IQGAP2: variants seen among roughly 807,000 people sequenced by gnomAD.
The protein encoded by IQGAP2 is ras GTPase-activating-like protein IQGAP2.
In IQGAP2, 173 loss-of-function variants were observed where a neutral mutation model predicts 201.3. The ratio of observed to expected loss-of-function variants is 0.86; its 90% CI spans 0.76 to 0.98. The LOEUF (loss-of-function observed/expected upper bound fraction) is 0.98. Among genes scored for constraint, IQGAP2 ranks in the 50% least tolerant of loss-of-function variants. The pLI, the probability that IQGAP2 is intolerant of heterozygous loss-of-function variation, is 0.00. For synonymous variants in IQGAP2, 675 were observed against 673.9 expected, an observed-to-expected ratio of 1.00 and a Z score of -0.03; for missense variants, 1,687 against 1,864.8, an observed-to-expected ratio of 0.90 and a Z score of 1.76.
intron 1 of IQGAP2, chr5:76,441,649 T>G: frequency 6.9e-6 from 2 of 289,440 alleles, no homozygotes; most frequent in Non-Finnish European, 1.0e-5. Flanking sequence ...TTTGATCTCC[T>G]ATGCTGTTAA....
chr5:76,489,634 T>C (rs544721234), intron 2 of IQGAP2, among the ~76,000 whole-genome samples: 1 of 152,242 alleles, frequency 6.6e-6, no homozygotes, highest in African/African-American at 2.4e-5. Flanking sequence ...GCTAACTCTT[T>C]TGGATTTTTT....
intron 1 of IQGAP2, among the ~76,000 whole-genome samples, chr5:76,428,437 CTTTT>C (rs1003388325): frequency 1.5e-5 from 2 of 135,698 alleles, no homozygotes; most frequent in Admixed American, 7.5e-5. Context: ...ATCCTTTTTT[CTTTT>C]TTTTTTTTTT....
chr5:76,535,035 G>A (rs1012637478), intron 2 of IQGAP2, among the ~76,000 whole-genome samples: 1 of 152,212 alleles, frequency 6.6e-6, no homozygotes, highest in African/African-American at 2.4e-5. Flanking sequence ...AAGAAGGCTG[G>A]TGAGGTAGGG....
chr5:76,654,772 A>G (rs1412081866), intron 19 of IQGAP2, among the ~76,000 whole-genome samples, 162 bp from the exon 20 acceptor site: 1 of 152,212 alleles, frequency 6.6e-6, no homozygotes, highest in Non-Finnish European at 1.5e-5. Context: ...CCTCTTCTTC[A>G]AAGAAAATGG....
chr5:76,457,683 T>A (rs2150122385), intron 1 of IQGAP2, among the ~76,000 whole-genome samples: 1 of 152,350 alleles, frequency 6.6e-6, no homozygotes, highest in South Asian at 2.1e-4. Flanking sequence ...GATTTTGGGC[T>A]ATTTTTACAT....
At chr5:76,639,772 A>G (rs1292517009) in intron 16 of IQGAP2, among the ~76,000 whole-genome samples, 1 of 152,224 alleles carries the variant, frequency 6.6e-6, no homozygotes, top group Non-Finnish European at 1.5e-5. Context: ...AAAATACTTA[A>G]TGACAAGAAG....
At position 76,487,189 on chromosome 5, in the gene IQGAP2, C is replaced by T. The variant is rs563726474; in HGVS notation, c.146+25520C>T. Among the ~76,000 whole-genome samples the T allele has an allele frequency of 8.6e-5, 13 of 151,774 alleles. No homozygotes were observed. In the South Asian group the frequency reaches 2.5e-3, roughly 29 times the overall value. On this transcript the variant is annotated intron_variant, in intron 2 of 35. Coordinates refer to ENST00000274364, the MANE Select transcript of IQGAP2 (RefSeq NM_006633.5). ...TCTCAGCTCGCTGCAACCTCCGCCT[C>T]CCAGGTTCAAGCAGTTTTCCTGCCT...
At chr5:76,467,454 C>T (rs1253969766) in intron 2 of IQGAP2, among the ~76,000 whole-genome samples, 1 of 152,102 alleles carries the variant, frequency 6.6e-6, no homozygotes, top group East Asian at 1.9e-4. Context: ...TTACTTCATA[C>T]CCACCAGCGT....
intron 1 of IQGAP2, among the ~76,000 whole-genome samples, chr5:76,447,720 T>A (rs538128344): frequency 6.6e-6 from 1 of 152,286 alleles, no homozygotes; most frequent in East Asian, 1.9e-4. Flanking sequence ...AACCAGGAGC[T>A]GCTGGTATGC....
At chr5:76,618,683 A>G in intron 13 of IQGAP2, 1 of 1,439,494 alleles carries the variant, frequency 6.9e-7, no homozygotes, top group Non-Finnish European at 9.5e-7. Context: ...GTATAGTTCA[A>G]GAGAAAAGAA....
intron 1 of IQGAP2, among the ~76,000 whole-genome samples, chr5:76,436,493 A>ATATATATATATATATATATATATT (rs1752669534): frequency 2.3e-4 from 4 of 17,146 alleles, no homozygotes; most frequent in Non-Finnish European, 4.0e-4. Context: ...ATATATATAT[A>ATATATATATATATATATATATATT]TATATATATA....
intron 1 of IQGAP2, among the ~76,000 whole-genome samples, chr5:76,424,628 A>G (rs553914473): frequency 6.6e-6 from 1 of 152,332 alleles, no homozygotes; most frequent in South Asian, 2.1e-4. Context: ...ACCTCCTCAA[A>G]TATTTTTAGG....
intron 2 of IQGAP2, among the ~76,000 whole-genome samples, chr5:76,474,568 T>C (rs1755299908): frequency 6.6e-6 from 1 of 152,128 alleles, no homozygotes; most frequent in African/African-American, 2.4e-5. Flanking sequence ...CTGGGTTGCT[T>C]TTTTGTTTGT....
rs531532145 is a variant in IQGAP2 at position 76,573,123 on chromosome 5, G to A, written c.381+2466G>A. ...CTAACTAGAGGCTGGATGATAAACC[G>A]ATTAATAAAAAACGAATTTAAACAG... is the stretch of plus-strand genomic sequence containing the variant. On this transcript the variant is annotated intron_variant, in intron 4 of 35. Coordinates refer to ENST00000274364, the MANE Select transcript of IQGAP2 (RefSeq NM_006633.5). Among the ~76,000 whole-genome samples, 105 of 152,302 alleles carry A rather than the reference G, an allele frequency of 6.9e-4. 2 individuals are homozygous for A. The highest frequency in any genetic ancestry group is 4.1e-4 in the South Asian group (2 of 4,828).
At chr5:76,490,271 G>A (rs978524335) in intron 2 of IQGAP2, among the ~76,000 whole-genome samples, 8 of 152,272 alleles carry the variant, frequency 5.3e-5, no homozygotes, top group African/African-American at 1.9e-4. Flanking sequence ...TACTCTAGGA[G>A]CTTGCATATC....
At chr5:76,641,418 A>C (rs761976993) in intron 17 of IQGAP2, among the ~76,000 whole-genome samples, 1 of 152,154 alleles carries the variant, frequency 6.6e-6, no homozygotes, top group Non-Finnish European at 1.5e-5. Flanking sequence ...TGACTTGGGG[A>C]CTTTACAATT....
chr5:76,465,793 A>G (rs565165545), intron 2 of IQGAP2, among the ~76,000 whole-genome samples: 12 of 152,366 alleles, frequency 7.9e-5, no homozygotes, highest in African/African-American at 2.6e-4. Context: ...ATATGATAGC[A>G]TTAAAAACAA....
rs113589540 is a variant in IQGAP2, at chr5:76,562,268, G to A, written c.147-128G>A. The A allele has an allele frequency of 4.1e-3, 2,630 of 647,552 alleles. 55 individuals are homozygous for A. The African/African-American group carries it at 0.043, about 11-fold the overall frequency. 40.1% of individuals were successfully genotyped at this position (647,552 alleles called of 1,614,324 possible). On this transcript the variant is annotated intron_variant, in intron 2 of 35. Coordinates refer to ENST00000274364, the MANE Select transcript of IQGAP2 (RefSeq NM_006633.5). ...CAGAAAGTCTTCCCTTCCCACCAGT[G>A]ACACCGAAAGATGTTTCAGATCCTT...
At chr5:76,524,111 C>T (rs999243786) in intron 2 of IQGAP2, among the ~76,000 whole-genome samples, 1 of 152,090 alleles carries the variant, frequency 6.6e-6, no homozygotes, top group Non-Finnish European at 1.5e-5. Flanking sequence ...TAGGAGAAGG[C>T]CCCCCAGTTA....
Sources: gnomAD v4.1 joint callset for allele counts (sites outside exome capture counted in the v4.1 genomes callset) on GRCh38, gnomAD v4.1.1 for gene constraint, MANE v1.5 for transcripts, NCBI Gene and HGNC (gene_info 2026-07-23, HGNC 2026-07-21) for gene names.